The following TENM3 variants were observed in gnomAD, a reference collection of about 807,000 sequenced individuals.
The protein encoded by TENM3 is teneurin-3.
TENM3 carries 63 observed loss-of-function variants against 255.1 expected under a neutral mutation model. The ratio of observed to expected loss-of-function variants is 0.25; its 90% CI spans 0.20 to 0.30. The LOEUF (loss-of-function observed/expected upper bound fraction) is 0.30, where lower values mean the gene tolerates loss of function less well. Among genes scored for constraint, TENM3 ranks in the 10% least tolerant of loss-of-function variants. The probability of loss-of-function intolerance (pLI) is 1.00; values close to 1 mark genes in which losing one functional copy is unlikely to be tolerated. For synonymous variants in TENM3, 1,306 were observed against 1,322.3 expected, an observed-to-expected ratio of 0.99 and a Z score of 0.27; for missense variants, 2,929 against 3,461.1, an observed-to-expected ratio of 0.85 and a Z score of 3.86.
chr4:182,715,626 G>A (rs551274763), intron 13 of TENM3, among the ~76,000 whole-genome samples: 9 of 152,222 alleles, frequency 5.9e-5, no homozygotes, highest in African/African-American at 2.2e-4. Flanking sequence ...GAACTTCATA[G>A]AAGGTTGTCA....
intron 3 of TENM3, among the ~76,000 whole-genome samples, chr4:182,558,911 G>A (rs1425514679): frequency 6.6e-6 from 1 of 152,070 alleles, no homozygotes; most frequent in Non-Finnish European, 1.5e-5. Context: ...AAATTATGAT[G>A]TAAAAGAATA....
chr4:181,550,526 G>C, the TENM3 span, among the ~76,000 whole-genome samples: 1 of 152,222 alleles, frequency 6.6e-6, no homozygotes, highest in African/African-American at 2.4e-5. Flanking sequence ...TCTGAATGTT[G>C]CTTGTTGCTC....
At position 182,568,262 on chromosome 4, in the gene TENM3, C is replaced by CT. The variant is rs767323344; in HGVS notation, c.512-32662_512-32661insT. 8.0e-4 allele frequency among the ~76,000 whole-genome samples: 122 copies of CT among 152,282 alleles called. 1 individual carries two copies. The highest frequency in any genetic ancestry group is 1.5e-3 in the Non-Finnish European group (100 of 68,028). On this transcript the variant is annotated intron_variant, in intron 3 of 27. Coordinates refer to ENST00000511685, the MANE Select transcript of TENM3 (RefSeq NM_001080477.4). ...TCACCTTGGATCTGCACTGAACCCTCAACACATTTTGAGCTCAACACAGTG... is the reference window on the plus strand; with the variant it reads ...TCACCTTGGATCTGCACTGAACCCTCTAACACATTTTGAGCTCAACACAGTG...
At chr4:182,506,872 C>A (rs1191868747) in intron 3 of TENM3, among the ~76,000 whole-genome samples, 2 of 152,148 alleles carry the variant, frequency 1.3e-5, no homozygotes, top group African/African-American at 4.8e-5. Flanking sequence ...GATGGTTCTT[C>A]ATACCTTAAA....
the TENM3 span, among the ~76,000 whole-genome samples, chr4:181,524,276 C>T: frequency 5.3e-5 from 8 of 152,134 alleles, no homozygotes; most frequent in Admixed American, 2.6e-4. Flanking sequence ...GAAAATACTA[C>T]GTCAAATAAG....
At chr4:181,921,734 C>T in the TENM3 span, among the ~76,000 whole-genome samples, 1 of 152,090 alleles carries the variant, frequency 6.6e-6, no homozygotes, top group Non-Finnish European at 1.5e-5. Context: ...ATTTCCTTCT[C>T]CTGACTAATT....
the TENM3 span, among the ~76,000 whole-genome samples, chr4:182,006,082 G>A: frequency 3.9e-5 from 6 of 152,064 alleles, no homozygotes; most frequent in African/African-American, 1.4e-4. Context: ...GATTGCCCTG[G>A]CCAGTACTTC....
rs563518855 is a variant in TENM3, at chr4:182,206,484, T to C, written c.-76+61730T>C. 2.6e-5 allele frequency among the ~76,000 whole-genome samples: 4 copies of C among 152,258 alleles called. No homozygotes were observed. In the South Asian group the frequency reaches 8.3e-4, roughly 32 times the overall value. On this transcript the variant is annotated intron_variant, in intron 1 of 2. Transcript: ENST00000512480. ...TTGGATTCCTGACACTGGAGAGGGA[T>C]TCCTTGATGAATGCCTTCGCCCTAC...
chr4:182,775,028 G>A lies in TENM3; in HGVS notation c.5179G>A (p.Ala1727Thr), dbSNP rs139841912. 12 of 1,613,972 alleles carry A rather than the reference G, an allele frequency of 7.4e-6. No homozygotes were observed. In the Admixed American group the frequency reaches 8.3e-5, roughly 11 times the overall value. ...AGAGCCGCACGTTCTGGCTGGCACCGCTAATCCGACGGTTGCCAAAAGAAA... is the reference window on the plus strand; with the variant it reads ...AGAGCCGCACGTTCTGGCTGGCACCACTAATCCGACGGTTGCCAAAAGAAA... ...QTEPHVLAGT[A>T]NPTVAKRNMT... Residue 1727 changes from alanine (A) to threonine (T), a missense_variant, in exon 24 of 28, where the codon GCT (alanine) becomes ACT (threonine). Ala to Thr is a moderately conservative substitution (Grantham distance 58, BLOSUM62 0). Around this residue, in one of 6 missense-constraint regions of TENM3, gnomAD observed 303 missense variants for 425.2 expected, o/e 0.71. Transcript: ENST00000511685.
chr4:181,632,475 C>G, the TENM3 span, among the ~76,000 whole-genome samples: 2 of 152,172 alleles, frequency 1.3e-5, no homozygotes, highest in Non-Finnish European at 2.9e-5. Flanking sequence ...TTTAAAAGAG[C>G]TTTGCAAATA....
At chr4:182,077,089 G>T in the TENM3 span, among the ~76,000 whole-genome samples, 1 of 152,214 alleles carries the variant, frequency 6.6e-6, no homozygotes, top group East Asian at 1.9e-4. Flanking sequence ...CAAGTACTTG[G>T]TATCCAGGTA....
chr4:181,589,823 T>C, the TENM3 span, among the ~76,000 whole-genome samples: 2 of 152,188 alleles, frequency 1.3e-5, no homozygotes, highest in Non-Finnish European at 2.9e-5. Context: ...CGTACGTGAT[T>C]CTCTCAGCCT....
At chr4:182,228,628 C>T (rs1346415256) in intron 1 of TENM3, among the ~76,000 whole-genome samples, 1 of 151,962 alleles carries the variant, frequency 6.6e-6, no homozygotes, top group Non-Finnish European at 1.5e-5. Flanking sequence ...ATCTAGTTAT[C>T]AGGTGTCTCT....
rs372312756 is a variant in TENM3, at chr4:182,793,318, G to A, written c.6646G>A (p.Val2216Ile). The change falls in exon 26 of 28, where the codon GTT (valine) becomes ATT (isoleucine). Residue 2216 changes from valine to isoleucine, a missense_variant. Physicochemically the swap from Val to Ile is conservative, Grantham distance 29. Coordinates refer to ENST00000511685, the MANE Select transcript of TENM3 (RefSeq NM_001080477.4). This position sits in a 1 kb window ranked among gnomAD's most constrained non-coding sequence, Gnocchi z 5.7. ...TAGCTCCAAGGGGCTTCTAACTCGA[G>A]TTTACAGTAAAGGCAGTGGCTGGAC... Reference protein sequence around the residue: ...EYSSKGLLTRVYSKGSGWTVI... With the variant: ...EYSSKGLLTRIYSKGSGWTVI... 5 of 1,613,718 alleles carry A rather than the reference G, an allele frequency of 3.1e-6. No individual in the cohort carries two copies. Among genetic ancestry groups the A allele is most frequent in the Non-Finnish European group, 4.2e-6 (5 of 1,179,786 alleles).
rs147085988 is a variant in TENM3 at position 182,489,037 on chromosome 4, T to G, written c.512-111887T>G. Among the ~76,000 whole-genome samples, 216 of 152,308 alleles carry G rather than the reference T, an allele frequency of 1.4e-3. 1 individual carries two copies. The highest frequency in any genetic ancestry group is 4.8e-3 in the African/African-American group (201 of 41,554). On this transcript the variant is annotated intron_variant, in intron 3 of 27. Transcript: ENST00000511685. Reference sequence around the variant, plus strand: ...TTTCTACTCTTCATTTTTAAATGATTTTATTACTTTCTTGAAAAGTGAGTA... The same window carrying G: ...TTTCTACTCTTCATTTTTAAATGATGTTATTACTTTCTTGAAAAGTGAGTA...
chr4:182,092,733 G>A, the TENM3 span, among the ~76,000 whole-genome samples: 1 of 152,196 alleles, frequency 6.6e-6, no homozygotes, highest in African/African-American at 2.4e-5. Context: ...CCTGATTGGT[G>A]TTTTAGGCAA....
chr4:182,433,924 G>A (rs1380055691), intron 3 of TENM3, among the ~76,000 whole-genome samples: 1 of 152,112 alleles, frequency 6.6e-6, no homozygotes, highest in African/African-American at 2.4e-5. Context: ...AGATCAGCCA[G>A]TGCAACATAG....
At chr4:181,689,012 A>G in the TENM3 span, among the ~76,000 whole-genome samples, 2 of 152,142 alleles carry the variant, frequency 1.3e-5, no homozygotes, top group Non-Finnish European at 2.9e-5. Context: ...CTTTGCCTCT[A>G]CTGGACATAC....
chr4:182,765,450 ATCT>A (rs1468344958), intron 22 of TENM3, among the ~76,000 whole-genome samples: 2 of 152,024 alleles, frequency 1.3e-5, no homozygotes, highest in African/African-American at 4.8e-5. Context: ...TCTGTATTTG[ATCT>A]TCTTTCTTTG....
Sources: gnomAD v4.1 joint callset for allele counts (sites outside exome capture counted in the v4.1 genomes callset) on GRCh38, gnomAD v4.1.1 for gene constraint, gnomAD v4.1.1 regional missense constraint, Gnocchi (gnomAD v3.1) non-coding constraint, MANE v1.5 for transcripts, NCBI Gene and HGNC (gene_info 2026-07-23, HGNC 2026-07-21) for gene names.